Variants in NEBL observed in about 807,000 individuals in gnomAD.
NEBL encodes nebulette.
NEBL carries 122 observed loss-of-function variants against 140.2 expected under a neutral mutation model. That is an observed-to-expected ratio of 0.87 (90% confidence interval 0.75 to 1.01). NEBL has a LOEUF of 1.01. Among genes scored for constraint, NEBL ranks in the 50% least tolerant of loss-of-function variants. The pLI is 0.00. For synonymous variants in NEBL, 436 were observed against 398.9 expected (o/e 1.09, Z -1.11); for missense variants, 1,365 against 1,231.3 (o/e 1.11, Z -1.62).
intron 3 of NEBL, among the ~76,000 whole-genome samples, chr10:21,186,676 T>C (rs554511035): frequency 8.8e-4 from 134 of 151,850 alleles, no homozygotes; most frequent in African/African-American, 3.1e-3. Flanking sequence ...TTTTTTTTTT[T>C]AGTTCATCAG....
intron 3 of NEBL, among the ~76,000 whole-genome samples, chr10:21,219,260 G>A (rs1281098291): frequency 2.0e-5 from 3 of 152,320 alleles, no homozygotes; most frequent in East Asian, 3.9e-4. Flanking sequence ...AATTAAAAAT[G>A]TATTTTTTAT....
intron 16 of NEBL, 186 bp downstream of exon 16, chr10:20,831,010 G>T: frequency 5.8e-6 from 3 of 517,958 alleles, no homozygotes; most frequent in East Asian, 3.9e-5. Flanking sequence ...CTGTTGCATT[G>T]AATCTATGAC....
rs201669624 is a variant in NEBL, at chr10:20,974,292, T to TG, written c.250-12514dup. The stretch of plus-strand genomic sequence containing the variant: ...TCTTTTAGACAGGGTCTCACTCTGT[T>TG]GCCCAGACTGGAATGCAGTGGTGCA... On this transcript the variant is annotated intron_variant, in intron 3 of 6. Coordinates refer to the NEBL transcript ENST00000417816. Among the ~76,000 whole-genome samples, 658 of 151,852 alleles carry TG rather than the reference T, an allele frequency of 4.3e-3. 5 individuals are homozygous for TG. The highest frequency in any genetic ancestry group is 0.015 in the African/African-American group (635 of 41,372).
intron 2 of NEBL, among the ~76,000 whole-genome samples, chr10:21,249,238 A>C (rs1267124836): frequency 6.6e-6 from 1 of 152,126 alleles, no homozygotes; most frequent in African/African-American, 2.4e-5. Context: ...GTTGAATCTT[A>C]GGAGTTATTT....
chr10:20,972,310 C>G (rs1836607680), intron 3 of NEBL, among the ~76,000 whole-genome samples: 1 of 152,216 alleles, frequency 6.6e-6, no homozygotes, highest in African/African-American at 2.4e-5. Context: ...TAACCTCCCT[C>G]TCATACCTGC....
At chr10:21,037,798 A>G (rs2131822451) in intron 2 of NEBL, among the ~76,000 whole-genome samples, 1 of 148,012 alleles carries the variant, frequency 6.8e-6, no homozygotes, top group Admixed American at 6.9e-5. Flanking sequence ...GAGGTCAAAA[A>G]ACACTCCCCT....
At chr10:21,152,602 G>A (rs1003594793) in intron 2 of NEBL, among the ~76,000 whole-genome samples, 1 of 151,404 alleles carries the variant, frequency 6.6e-6, no homozygotes, top group Non-Finnish European at 1.5e-5. Flanking sequence ...AAAATCCAGA[G>A]CAACAAAAGC....
intron 26 of NEBL, among the ~76,000 whole-genome samples, chr10:20,805,359 T>C (rs1032893816): frequency 6.6e-6 from 1 of 152,230 alleles, no homozygotes; most frequent in African/African-American, 2.4e-5. Flanking sequence ...CAATGTATCC[T>C]AAAATCTTTT....
chr10:20,896,495 T>TATATATATATATATATATATATAG (rs1847498521), intron 2 of NEBL, among the ~76,000 whole-genome samples: 1 of 67,952 alleles, frequency 1.5e-5, no homozygotes, highest in Non-Finnish European at 3.2e-5. Context: ...TATATATATA[T>TATATATATATATATATATATATAG]ATATATATAT....
intron 3 of NEBL, among the ~76,000 whole-genome samples, chr10:21,202,113 GC>G (rs1841747215): frequency 6.6e-6 from 1 of 152,024 alleles, no homozygotes; most frequent in Non-Finnish European, 1.5e-5. Context: ...GAAAATCTAT[GC>G]AGGTCATATT....
intron 1 of NEBL, among the ~76,000 whole-genome samples, chr10:21,273,604 G>A (rs1842884390): frequency 6.6e-6 from 1 of 152,130 alleles, no homozygotes; most frequent in African/African-American, 2.4e-5. Flanking sequence ...GCCAAGTGTT[G>A]CTCTGTGGAC....
chr10:21,096,029 A>G (rs1434517018), intron 2 of NEBL, among the ~76,000 whole-genome samples: 1 of 152,212 alleles, frequency 6.6e-6, no homozygotes, highest in Non-Finnish European at 1.5e-5. Flanking sequence ...CATTACACAC[A>G]ATAGTGATGC....
At chr10:21,259,098 T>C (rs1842703040) in intron 1 of NEBL, among the ~76,000 whole-genome samples, 1 of 151,160 alleles carries the variant, frequency 6.6e-6, no homozygotes. Flanking sequence ...AGCTTTTTTG[T>C]CTTTTTTGAG....
At chr10:20,852,885 A>C (rs535663681) in intron 9 of NEBL, among the ~76,000 whole-genome samples, 1 of 152,342 alleles carries the variant, frequency 6.6e-6, no homozygotes, top group African/African-American at 2.4e-5. Flanking sequence ...GAGGACAATT[A>C]ACCGCAAACA....
intron 2 of NEBL, among the ~76,000 whole-genome samples, chr10:21,070,527 T>C (rs1835769311): frequency 6.6e-6 from 1 of 152,172 alleles, no homozygotes; most frequent in African/African-American, 2.4e-5. Context: ...GTACATAATA[T>C]CCTAACTATC....
intron 3 of NEBL, among the ~76,000 whole-genome samples, chr10:21,222,642 A>G (rs188595633): frequency 1.3e-5 from 2 of 152,364 alleles, no homozygotes; most frequent in African/African-American, 4.8e-5. Context: ...TGTATGGGGT[A>G]CATGAAATAT....
In NEBL at chr10:20,814,064, A is replaced by G. The variant is rs1180480319; in HGVS notation, c.2242-21T>C. The G allele has an allele frequency of 2.1e-6, 3 of 1,407,910 alleles. No homozygotes were observed. The African/African-American group carries it at 4.2e-5, about 20-fold the overall frequency. The allele number at this position is 1,407,910 out of a possible 1,614,324, so 87.2% of individuals were successfully genotyped here. A position where few individuals can be genotyped will look rare whatever the true frequency, so the allele number is the denominator to read the frequency against. On this transcript the variant is annotated intron_variant, in intron 22 of 27. Transcript: ENST00000377122. ...TTTACCTGCAAAGTAAATAGTAGGCATAAGACAATGATAAGAAAACACATG... is the reference window on the plus strand; with the variant it reads ...TTTACCTGCAAAGTAAATAGTAGGCGTAAGACAATGATAAGAAAACACATG...
intron 1 of NEBL, among the ~76,000 whole-genome samples, chr10:21,283,404 C>T (rs913713724): frequency 6.6e-6 from 1 of 152,272 alleles, no homozygotes; most frequent in African/African-American, 2.4e-5. Context: ...GCCCTGTATA[C>T]AAAGTAGCCA....
At chr10:21,033,305 C>T (rs959733100) in intron 2 of NEBL, among the ~76,000 whole-genome samples, 3 of 152,042 alleles carry the variant, frequency 2.0e-5, no homozygotes, top group African/African-American at 4.8e-5. Flanking sequence ...GGATCACATT[C>T]GATTCCTTTG....
Sources: allele counts gnomAD v4.1 joint callset (sites outside exome capture counted in the v4.1 genomes callset), GRCh38; gene constraint gnomAD v4.1.1; transcripts MANE v1.5; gene names NCBI Gene and HGNC (gene_info 2026-07-23, HGNC 2026-07-21).